L3HYPDH: variants seen among roughly 807,000 people sequenced by gnomAD.
L3HYPDH encodes trans-L-3-hydroxyproline dehydratase.
In L3HYPDH, 32 loss-of-function variants were observed where a neutral mutation model predicts 26.5. That is an observed-to-expected ratio of 1.21 (90% CI 0.91 to 1.62). The LOEUF is 1.62. Ranked by LOEUF, L3HYPDH falls within the 40% of genes most tolerant of loss-of-function variation. The pLI is 0.00. For missense variants in L3HYPDH, 554 were observed against 476.4 expected (o/e 1.16, Z -1.52); for synonymous variants, 215 against 196.6 (o/e 1.09, Z -0.78).
In L3HYPDH at chr14:59,472,912, C is replaced by A; in HGVS notation, c.*53G>T. 1 of 1,483,822 alleles carries A rather than the reference C, an allele frequency of 6.7e-7. No homozygotes were observed. Among genetic ancestry groups the A allele is most frequent in the Non-Finnish European group, 9.1e-7 (1 of 1,104,958 alleles). 91.9% of individuals were successfully genotyped at this position (1,483,822 alleles called of 1,614,324 possible). A position where few individuals can be genotyped will look rare whatever the true frequency, so the allele number is the denominator to read the frequency against. On this transcript the variant is annotated 3_prime_UTR_variant, in exon 5 of 5. Transcript: ENST00000247194. ...TTTCATATAATTTAGAGAAAACAGTCCTTAAGGATAATGATTACTTTAAAA... is the reference window on the plus strand; with the variant it reads ...TTTCATATAATTTAGAGAAAACAGTACTTAAGGATAATGATTACTTTAAAA...
At chr14:59,477,163 C>T (rs770563361) in intron 2 of L3HYPDH, among the ~76,000 whole-genome samples, 16 of 152,138 alleles carry the variant, frequency 1.1e-4, no homozygotes, top group Non-Finnish European at 1.9e-4. Flanking sequence ...TCCAACATAA[C>T]ACTGTTCACA....
chr14:59,501,302 T>C, the L3HYPDH span: 11 of 1,299,834 alleles, frequency 8.5e-6, no homozygotes, highest in East Asian at 2.3e-5. Context: ...TAAAGACTTT[T>C]TGATAAATTT....
chr14:59,487,883 C>T, upstream of L3HYPDH: 1 of 1,457,704 alleles, frequency 6.9e-7, no homozygotes, highest in Non-Finnish European at 9.6e-7. Context: ...ATAATTATCA[C>T]TCAGAAGACC....
chr14:59,466,123 T>C (rs1889168738), intron 1 of L3HYPDH, among the ~76,000 whole-genome samples: 1 of 152,198 alleles, frequency 6.6e-6, no homozygotes, highest in South Asian at 2.1e-4. Flanking sequence ...TGTTACTTCA[T>C]TTCCAAGGGC....
intron 2 of L3HYPDH, chr14:59,478,753 C>A (rs1338302088): frequency 6.5e-6 from 1 of 154,226 alleles, no homozygotes; most frequent in Non-Finnish European, 1.4e-5. Flanking sequence ...ACGTAACTTG[C>A]CCAAGGTTAT....
At chr14:59,484,528 G>C (rs1405511685), upstream of L3HYPDH, 2 of 1,554,926 alleles carry the variant, frequency 1.3e-6, no homozygotes, top group South Asian at 1.2e-5. Context: ...TGGCCCGGAT[G>C]TTCGGTGCAG....
At chr14:59,470,957 G>A (rs537347791), downstream of L3HYPDH, among the ~76,000 whole-genome samples, 2 of 23,276 alleles carry the variant, frequency 8.6e-5, no homozygotes, top group South Asian at 1.8e-3. Flanking sequence ...GCTGGGGGCG[G>A]GGGGGGGGGG....
In L3HYPDH at chr14:59,475,995, A is replaced by T. The variant is rs1178048085; in HGVS notation, c.813T>A (p.Ser271Arg). ...CVFADEQVDR[S>R]PTGSGVTARI... ...GGGCTGTCACTCCTGAGCCAGTGGG[A>T]CTTCTGTCAACCTGTTTCAGAATAA... Residue 271 changes from serine (S) to arginine (R), a missense_variant, in exon 4 of 5, where the codon AGT becomes AGA. Physicochemically the swap from Ser to Arg is moderately radical, Grantham distance 110 (BLOSUM62 -1). Transcript: ENST00000247194. 6 of 1,613,948 alleles carry T rather than the reference A, an allele frequency of 3.7e-6. No homozygotes were observed. Among genetic ancestry groups the T allele is most frequent in the Non-Finnish European group, 5.1e-6 (6 of 1,179,872 alleles).
chr14:59,484,537 A>T, upstream of L3HYPDH: 1 of 1,560,346 alleles, frequency 6.4e-7, no homozygotes, highest in Non-Finnish European at 8.7e-7. Context: ...TGTTCGGTGC[A>T]GCTGCCAGAT....
chr14:59,489,422 C>T, the L3HYPDH span, among the ~76,000 whole-genome samples: 2 of 152,210 alleles, frequency 1.3e-5, no homozygotes, highest in African/African-American at 4.8e-5. Context: ...ACTACAGTTC[C>T]TGATAACTTC....
rs1251988054 is a variant in L3HYPDH at position 59,476,064 on chromosome 14, TTGTCCC to T, written c.801+22_801+27del. 2.5e-6 allele frequency: 4 copies of T among 1,613,604 alleles called. No individual in the cohort carries two copies. In the African/African-American group the frequency reaches 5.3e-5, roughly 22 times the overall value. ...TAGTGTGTTCCATATTACCTGGCTT[TTGTCCC>T]TAAACATTACAGTTTTAATACCTGT... On this transcript the variant is annotated intron_variant, in intron 3 of 4. Transcript: ENST00000247194.
upstream of L3HYPDH, chr14:59,484,677 G>C (rs1439535892): frequency 6.7e-7 from 1 of 1,494,936 alleles, no homozygotes; most frequent in Non-Finnish European, 9.1e-7. Context: ...TCGGCTCTTT[G>C]TAGGCGGCCT....
the L3HYPDH span, among the ~76,000 whole-genome samples, chr14:59,492,954 C>G: frequency 6.6e-6 from 1 of 152,004 alleles, no homozygotes; most frequent in Non-Finnish European, 1.5e-5. Context: ...CCTGCCACCA[C>G]GCCCGGCCAA....
chr14:59,490,063 C>T, the L3HYPDH span, among the ~76,000 whole-genome samples: 9,428 of 152,080 alleles, frequency 0.062, 389 homozygotes, highest in Middle Eastern at 0.11. Context: ...GCTGGGACTA[C>T]AGGCGTGTAC....
At chr14:59,486,684 T>G (rs1890604263), upstream of L3HYPDH, 6 of 1,429,168 alleles carry the variant, frequency 4.2e-6, no homozygotes, top group Non-Finnish European at 5.8e-6. Context: ...ACAAAAGATG[T>G]TACTATACTG....
chr14:59,496,434 T>C, the L3HYPDH span, among the ~76,000 whole-genome samples: 1 of 151,912 alleles, frequency 6.6e-6, no homozygotes, highest in Admixed American at 6.6e-5. Flanking sequence ...GAATTGAATA[T>C]TATATTTAAA....
intron 4 of L3HYPDH, among the ~76,000 whole-genome samples, chr14:59,473,945 A>G (rs1366520702): frequency 6.6e-6 from 1 of 152,230 alleles, no homozygotes; most frequent in African/African-American, 2.4e-5. Context: ...GCATGATGCA[A>G]GTGAAGACAT....
In L3HYPDH at chr14:59,482,117, T is replaced by C. The variant is rs112701455; in HGVS notation, c.508+1692A>G. Reference sequence around the variant, plus strand: ...TGTGAACAAGAAAGAGTTTGCATTTTAGCCTGGTGGGGTGGAGATGAACTC... The same window carrying C: ...TGTGAACAAGAAAGAGTTTGCATTTCAGCCTGGTGGGGTGGAGATGAACTC... On this transcript the variant is annotated intron_variant, in intron 1 of 4. Coordinates refer to ENST00000247194, the MANE Select transcript of L3HYPDH (RefSeq NM_144581.2). Among the ~76,000 whole-genome samples, 311 of 152,274 alleles carry C rather than the reference T, an allele frequency of 2.0e-3. 1 individual carries two copies. The highest frequency in any genetic ancestry group is 6.7e-3 in the African/African-American group (278 of 41,516).
chr14:59,487,509 T>C (rs561514779), upstream of L3HYPDH: 137 of 550,478 alleles, frequency 2.5e-4, no homozygotes, highest in Non-Finnish European at 3.9e-4. Flanking sequence ...ACATACAATA[T>C]AGATTTCTTT....
Sources: gnomAD v4.1 joint callset for allele counts (sites outside exome capture counted in the v4.1 genomes callset) on GRCh38, gnomAD v4.1.1 for gene constraint, MANE v1.5 for transcripts, NCBI Gene and HGNC (gene_info 2026-07-23, HGNC 2026-07-21) for gene names.